The following TEKT3 variants were observed in gnomAD, a reference collection of about 807,000 sequenced individuals.
The protein encoded by TEKT3 is tektin-3.
TEKT3 carries 49 observed loss-of-function variants against 49.8 expected under a neutral mutation model. That is an observed-to-expected ratio of 0.98 (90% CI 0.78 to 1.25). The LOEUF is 1.25. Ranked by LOEUF, TEKT3 falls within the 50% of genes most tolerant of loss-of-function variation. The probability of loss-of-function intolerance (pLI) is 0.00; values close to 1 mark genes in which losing one functional copy is unlikely to be tolerated. For missense variants in TEKT3, 595 were observed against 629.5 expected, an observed-to-expected ratio of 0.95 and a Z score of 0.59; for synonymous variants, 225 against 237.2, an observed-to-expected ratio of 0.95 and a Z score of 0.47.
chr17:15,322,048 G>T (rs1911291488), intron 4 of TEKT3, among the ~76,000 whole-genome samples: 1 of 151,960 alleles, frequency 6.6e-6, no homozygotes, highest in Non-Finnish European at 1.5e-5. Context: ...TGAGAGTGTG[G>T]AATGATGAAT....
chr17:15,307,005 C>T (rs1303499366), intron 8 of TEKT3: 1 of 152,186 alleles, frequency 6.6e-6, no homozygotes, highest in Non-Finnish European at 1.5e-5. Context: ...TGAGTGATCT[C>T]TTCTGTGGCT....
chr17:15,341,336 T>A (rs1405396760), intron 1 of TEKT3, among the ~76,000 whole-genome samples, 182 bp downstream of exon 1: 3 of 152,064 alleles, frequency 2.0e-5, no homozygotes, highest in Admixed American at 2.0e-4. Flanking sequence ...AACGTCTGGG[T>A]GGGAGGTGCC....
intron 4 of TEKT3, among the ~76,000 whole-genome samples, chr17:15,326,369 A>G (rs1240848291): frequency 6.6e-6 from 1 of 152,212 alleles, no homozygotes. Context: ...AAGCTGAGAA[A>G]TGAGGAGGGA....
At chr17:15,338,993 G>A (rs912670000) in intron 2 of TEKT3, among the ~76,000 whole-genome samples, 9 of 152,208 alleles carry the variant, frequency 5.9e-5, no homozygotes, top group East Asian at 1.9e-4. Flanking sequence ...GTTTTGGTTT[G>A]AATGTTTCCC....
At chr17:15,330,921 CAT>C (rs2150750055) in intron 3 of TEKT3, 84 bp downstream of exon 3, 4 of 1,341,218 alleles carry the variant, frequency 3.0e-6, no homozygotes, top group Non-Finnish European at 3.0e-6. Context: ...TGAAGTAAAA[CAT>C]AAGTCAATAA....
At chr17:15,319,218 C>CA (rs11387328) in intron 4 of TEKT3, 71 bp from the exon 5 acceptor site, 802,268 of 1,310,716 alleles carry the variant, frequency 0.61, 250,176 homozygotes, top group East Asian at 0.76. Flanking sequence ...AACAATGTAA[C>CA]AAACATCAAT....
chr17:15,303,946 C>T lies in TEKT3; in HGVS notation c.1463G>A (p.Gly488Asp), dbSNP rs756006133. Residue 488 changes from glycine (G) to aspartate (D), a missense_variant, in exon 9 of 9, where the codon GGC becomes GAC. Coordinates refer to ENST00000395930, the MANE Select transcript of TEKT3 (RefSeq NM_031898.3). Reference sequence around the variant, plus strand: ...CACCCGGTGGGGTCCCTAGCAGAAGCCGACCAGCCGGAGGGTGTTGGGGTA... The same window carrying T: ...CACCCGGTGGGGTCCCTAGCAGAAGTCGACCAGCCGGAGGGTGTTGGGGTA... The part of the protein sequence containing the change: ...KSYPNTLRLV[G>D]FC 1 of 1,613,730 alleles carries T rather than the reference C, an allele frequency of 6.2e-7. No homozygotes were observed. The highest frequency in any genetic ancestry group is 8.5e-7 in the Non-Finnish European group (1 of 1,179,998).
intron 7 of TEKT3, 55 bp downstream of exon 7, chr17:15,312,204 A>G (rs551611548): frequency 1.2e-5 from 18 of 1,551,284 alleles, no homozygotes; most frequent in Non-Finnish European, 1.6e-5. Context: ...TTGTAGTCCC[A>G]GAGCACACCG....
chr17:15,325,473 C>A (rs775558860), intron 4 of TEKT3, among the ~76,000 whole-genome samples: 8 of 152,010 alleles, frequency 5.3e-5, no homozygotes, highest in East Asian at 1.9e-4. Context: ...CTTTACTCTG[C>A]CTAGTCATTA....
intron 2 of TEKT3, among the ~76,000 whole-genome samples, chr17:15,332,774 G>C (rs1911820786): frequency 6.6e-6 from 1 of 152,138 alleles, no homozygotes; most frequent in African/African-American, 2.4e-5. Flanking sequence ...TTTTTAAATT[G>C]CTACCTCAGA....
At chr17:15,308,164 T>C (rs1248303381) in intron 8 of TEKT3, among the ~76,000 whole-genome samples, 1 of 152,128 alleles carries the variant, frequency 6.6e-6, no homozygotes, top group Non-Finnish European at 1.5e-5. Context: ...GAATTGGTAC[T>C]GAAAGTCCCT....
intron 1 of TEKT3, chr17:15,340,395 A>AT (rs1912171597): frequency 1.3e-5 from 2 of 151,784 alleles, no homozygotes; most frequent in African/African-American, 4.8e-5. Flanking sequence ...AAAAAAAAAA[A>AT]AATTGGCCAG....
Position 15,314,170 on chromosome 17 carries a change from G to A in TEKT3, c.795C>T (p.Tyr265=), listed in dbSNP as rs759711827. The A allele has an allele frequency of 6.8e-6, 11 of 1,614,228 alleles. No homozygotes were observed. Among genetic ancestry groups the A allele is most frequent in the East Asian group, 6.7e-5 (3 of 44,872 alleles). Residue 265 remains tyrosine, a synonymous_variant, in exon 6 of 9, where the codon TAC becomes TAT. Coordinates refer to ENST00000395930, the MANE Select transcript of TEKT3 (RefSeq NM_031898.3). ...EKDLSDKQTA[Y]RIDDKCHHLR... is the part of the protein sequence containing the mutation. ...GGTGGTGGCATTTGTCGTCGATCCG[G>A]TAAGCCGTCTGTTTGTCACTCAGGT...
chr17:15,314,299 C>T lies in TEKT3; in HGVS notation c.735-69G>A, dbSNP rs752358283. Reference sequence around the variant, plus strand: ...AATGTCCTGCAAGGACACATGAGTGCCCTTCCATATTGGGACCTCTCTCAC... The same window carrying T: ...AATGTCCTGCAAGGACACATGAGTGTCCTTCCATATTGGGACCTCTCTCAC... On this transcript the variant is annotated intron_variant, in intron 5 of 8. Transcript: ENST00000395930. 7 of 1,581,484 alleles carry T rather than the reference C, an allele frequency of 4.4e-6. 1 individual carries two copies. Among genetic ancestry groups the T allele is most frequent in the African/African-American group, 2.7e-5 (2 of 74,298 alleles).
chr17:15,305,282 G>A (rs1567571408), intron 8 of TEKT3, among the ~76,000 whole-genome samples: 1 of 152,216 alleles, frequency 6.6e-6, no homozygotes, highest in Non-Finnish European at 1.5e-5. Context: ...CAGGCTGATT[G>A]AAGCAACAAC....
Position 15,308,641 on chromosome 17 carries a change from C to T in TEKT3, c.1256+23G>A, listed in dbSNP as rs189203541. On this transcript the variant is annotated intron_variant, in intron 8 of 8. Coordinates refer to ENST00000395930, the MANE Select transcript of TEKT3 (RefSeq NM_031898.3). ...GTCTGGTGGCCCTCCGAGCGAGCCCCGAGCCTTCCCCTCCCACCTTACCGT... is the reference window on the plus strand; with the variant it reads ...GTCTGGTGGCCCTCCGAGCGAGCCCTGAGCCTTCCCCTCCCACCTTACCGT... 3,664 of 1,594,928 alleles carry T rather than the reference C, an allele frequency of 2.3e-3. 19 individuals are homozygous for T. The highest frequency in any genetic ancestry group is 8.0e-3 in the Admixed American group (481 of 59,762).
intron 7 of TEKT3, chr17:15,311,365 T>C (rs1910764159): frequency 6.6e-6 from 1 of 152,224 alleles, no homozygotes; most frequent in Admixed American, 6.5e-5. Flanking sequence ...CAGCAGCACA[T>C]ATACTAAAAT....
chr17:15,308,345 C>T (rs1294417828), intron 8 of TEKT3, among the ~76,000 whole-genome samples: 2 of 152,134 alleles, frequency 1.3e-5, no homozygotes, highest in East Asian at 3.9e-4. Context: ...GTGTGTGTAG[C>T]GTTGATGTCC....
intron 7 of TEKT3, among the ~76,000 whole-genome samples, chr17:15,309,406 T>C (rs992442593): frequency 2.0e-5 from 3 of 152,154 alleles, no homozygotes; most frequent in Non-Finnish European, 4.4e-5. Context: ...GATTTTGTAT[T>C]CGTTTTTTCT....
Sources: gnomAD v4.1 joint callset for allele counts (sites outside exome capture counted in the v4.1 genomes callset) on GRCh38, gnomAD v4.1.1 for gene constraint, MANE v1.5 for transcripts, NCBI Gene and HGNC (gene_info 2026-07-23, HGNC 2026-07-21) for gene names.